RAPGEF2: variants seen among roughly 807,000 people sequenced by gnomAD.
RAPGEF2 encodes PDZ domain containing guanine nucleotide exchange factor (GEF) 1.
Under a neutral mutation model 186.7 loss-of-function variants are expected in RAPGEF2, and 54 were observed. The ratio of observed to expected loss-of-function variants is 0.29; its 90% CI spans 0.23 to 0.36. RAPGEF2 has a LOEUF of 0.36. Among genes scored for constraint, RAPGEF2 ranks in the 10% least tolerant of loss-of-function variants. The pLI is 1.00. For missense variants in RAPGEF2, 1,532 were observed against 2,045.0 expected (o/e 0.75, Z 4.84); for synonymous variants, 712 against 705.9 (o/e 1.01, Z -0.14).
At chr4:159,168,730 G>A (rs566312025) in intron 1 of RAPGEF2, among the ~76,000 whole-genome samples, 7 of 152,284 alleles carry the variant, frequency 4.6e-5, no homozygotes, top group South Asian at 4.2e-4. Flanking sequence ...TTCATTATGC[G>A]TAGGAGGTAC....
At chr4:159,208,435 T>C (rs1156545995) in intron 3 of RAPGEF2, among the ~76,000 whole-genome samples, 1 of 152,204 alleles carries the variant, frequency 6.6e-6, no homozygotes, top group African/African-American at 2.4e-5. Context: ...TGCTCTGTGC[T>C]TCCTTTCTAC....
chr4:159,187,100 T>C (rs1229112420), intron 2 of RAPGEF2, among the ~76,000 whole-genome samples: 1 of 152,206 alleles, frequency 6.6e-6, no homozygotes. Flanking sequence ...AAAGGAATCT[T>C]ATTCATGAAA....
In RAPGEF2 at chr4:159,210,808, G is replaced by A. The variant is rs150227013; in HGVS notation, c.281+225G>A. Among the ~76,000 whole-genome samples, 44 of 152,234 alleles carry A rather than the reference G, an allele frequency of 2.9e-4. No individual in the cohort carries two copies. The East Asian group carries it at 6.9e-3, about 24-fold the overall frequency. On this transcript the variant is annotated intron_variant, in intron 4 of 29. Transcript: ENST00000691494. ...AGAACAGAAAACATGCTGATGACATGTGCATTTGTTACATGATCATGTCAG... is the reference window on the plus strand; with the variant it reads ...AGAACAGAAAACATGCTGATGACATATGCATTTGTTACATGATCATGTCAG...
At chr4:159,346,174 A>G (rs770368649) in intron 24 of RAPGEF2, among the ~76,000 whole-genome samples, 1 of 152,192 alleles carries the variant, frequency 6.6e-6, no homozygotes, top group Non-Finnish European at 1.5e-5. Flanking sequence ...GGAAGCATAC[A>G]TATGTCATTG....
intron 29 of RAPGEF2, among the ~76,000 whole-genome samples, chr4:159,357,204 T>G (rs1183805881): frequency 6.6e-6 from 1 of 152,066 alleles, no homozygotes; most frequent in Non-Finnish European, 1.5e-5. Flanking sequence ...ATAAAAATAT[T>G]TTTCAAATGA....
At chr4:159,197,341 G>A (rs1162835508) in intron 3 of RAPGEF2, among the ~76,000 whole-genome samples, 2 of 152,068 alleles carry the variant, frequency 1.3e-5, no homozygotes, top group Non-Finnish European at 2.9e-5. Flanking sequence ...GAAGTGAAAC[G>A]GAAATACTGT....
At chr4:159,274,477 G>T (rs1391224788) in intron 7 of RAPGEF2, among the ~76,000 whole-genome samples, 3 of 152,104 alleles carry the variant, frequency 2.0e-5, no homozygotes, top group Non-Finnish European at 4.4e-5. Flanking sequence ...ATAACCATGT[G>T]AGCATGTATA....
At chr4:159,301,962 A>G (rs1461520781) in intron 7 of RAPGEF2, among the ~76,000 whole-genome samples, 1 of 152,238 alleles carries the variant, frequency 6.6e-6, no homozygotes, top group East Asian at 1.9e-4. Context: ...TGTCTTACTT[A>G]TCTTGATACT....
chr4:159,181,757 G>C (rs968115396), intron 1 of RAPGEF2, among the ~76,000 whole-genome samples: 1 of 152,082 alleles, frequency 6.6e-6, no homozygotes, highest in South Asian at 2.1e-4. Context: ...GGGTGGTCTC[G>C]ATCTCCTGAC....
intron 19 of RAPGEF2, among the ~76,000 whole-genome samples, chr4:159,339,926 C>G (rs1729152229): frequency 6.6e-6 from 1 of 152,150 alleles, no homozygotes; most frequent in African/African-American, 2.4e-5. Flanking sequence ...AGAGCTTAGT[C>G]CTTTGCTGCA....
At chr4:159,264,356 G>A (rs1359850839) in intron 7 of RAPGEF2, among the ~76,000 whole-genome samples, 2 of 152,118 alleles carry the variant, frequency 1.3e-5, no homozygotes, top group Non-Finnish European at 2.9e-5. Flanking sequence ...TTCCCGGTTA[G>A]GTTAGTTTCC....
At chr4:159,165,590 A>T (rs979485269) in intron 1 of RAPGEF2, among the ~76,000 whole-genome samples, 3 of 152,204 alleles carry the variant, frequency 2.0e-5, no homozygotes, top group African/African-American at 7.2e-5. Context: ...CATGTTGGAT[A>T]CTGGACATCA....
chr4:159,128,385 G>A (rs1453192979), intron 1 of RAPGEF2, among the ~76,000 whole-genome samples: 1 of 152,044 alleles, frequency 6.6e-6, no homozygotes, highest in Non-Finnish European at 1.5e-5. Flanking sequence ...TCAGGGTTAC[G>A]TAAGTTTAAT....
rs572879970 is a variant in RAPGEF2, at chr4:159,333,368, G to A, written c.2135+671G>A. On this transcript the variant is annotated intron_variant, in intron 17 of 29. Coordinates refer to ENST00000691494, the MANE Select transcript of RAPGEF2 (RefSeq NM_001394067.2). ...TTTTTCTACTGTATTTTGTTTCTGGGTATCTTCTTTACCAACAGCATGTGC... is the reference window on the plus strand; with the variant it reads ...TTTTTCTACTGTATTTTGTTTCTGGATATCTTCTTTACCAACAGCATGTGC... 2.2e-4 allele frequency among the ~76,000 whole-genome samples: 34 copies of A among 152,168 alleles called. No homozygotes were observed. The South Asian group carries it at 6.2e-3, about 28-fold the overall frequency.
In RAPGEF2 at chr4:159,151,728, A is replaced by G. The variant is rs571575241; in HGVS notation, c.70-34914A>G. 7.2e-5 allele frequency among the ~76,000 whole-genome samples: 11 copies of G among 152,262 alleles called. 1 individual carries two copies. Among genetic ancestry groups the G allele is most frequent in the Non-Finnish European group, 8.8e-5 (6 of 68,012 alleles). On this transcript the variant is annotated intron_variant, in intron 1 of 29. Coordinates refer to ENST00000691494, the MANE Select transcript of RAPGEF2 (RefSeq NM_001394067.2). ...AGGTATGTAAAGGCCAGTATCAGTG[A>G]TTACTTTGTGGCTTTTTGTGTAAGT...
chr4:159,246,151 C>G (rs1343339888), intron 7 of RAPGEF2, among the ~76,000 whole-genome samples: 1 of 152,124 alleles, frequency 6.6e-6, no homozygotes, highest in Non-Finnish European at 1.5e-5. Context: ...TAGTCCTTTT[C>G]TACAGTGTGA....
intron 4 of RAPGEF2, among the ~76,000 whole-genome samples, chr4:159,232,096 A>G (rs2111440485): frequency 6.6e-6 from 1 of 152,214 alleles, no homozygotes; most frequent in East Asian, 1.9e-4. Context: ...TTCTTTTCTA[A>G]GCTTTTTTTA....
At chr4:159,339,048 T>C (rs1767866929) in intron 18 of RAPGEF2, 66 bp from the exon 19 acceptor site, 2 of 1,538,326 alleles carry the variant, frequency 1.3e-6, no homozygotes, top group South Asian at 2.5e-5. Flanking sequence ...CTGATTACTT[T>C]GCTTAATTGC....
chr4:159,333,556 A>G (rs957957445), intron 17 of RAPGEF2, among the ~76,000 whole-genome samples: 1 of 152,192 alleles, frequency 6.6e-6, no homozygotes, highest in African/African-American at 2.4e-5. Context: ...TAGTAGTCAG[A>G]ATGTCAGGTG....
Sources: allele counts gnomAD v4.1 joint callset (sites outside exome capture counted in the v4.1 genomes callset), GRCh38; gene constraint gnomAD v4.1.1; transcripts MANE v1.5; gene names NCBI Gene and HGNC (gene_info 2026-07-23, HGNC 2026-07-21).